PTPRC: variants seen among roughly 807,000 people sequenced by gnomAD.
The protein encoded by PTPRC is receptor-type tyrosine-protein phosphatase C.
A neutral mutation model predicts 155.9 loss-of-function variants in PTPRC; 44 were observed. That is an observed-to-expected ratio of 0.28 (90% confidence interval 0.22 to 0.36). The LOEUF (loss-of-function observed/expected upper bound fraction) is 0.36, where lower values mean the gene tolerates loss of function less well. Ranked by LOEUF, PTPRC falls within the 10% of genes least tolerant of loss-of-function variation. PTPRC has a pLI of 1.00. For synonymous variants in PTPRC, 525 were observed against 533.1 expected (o/e 0.98, Z 0.21); for missense variants, 1,401 against 1,564.6 (o/e 0.90, Z 1.76).
chr1:198,750,362 C>G, intron 28 of PTPRC, 130 bp from the exon 29 acceptor site: 1 of 958,932 alleles, frequency 1.0e-6, no homozygotes, highest in Non-Finnish European at 1.7e-6. Context: ...TTGTAAGAAA[C>G]ATAAGAATAT....
chr1:198,704,600 T>C (rs1666631302), intron 8 of PTPRC, 102 bp downstream of exon 8: 1 of 1,600,086 alleles, frequency 6.2e-7, no homozygotes, highest in African/African-American at 1.3e-5. Flanking sequence ...TAAGCTAAAC[T>C]CACTGGCTCT....
chr1:198,694,116 C>G (rs1204068373), intron 3 of PTPRC: 4 of 1,544,900 alleles, frequency 2.6e-6, no homozygotes, highest in Non-Finnish European at 3.5e-6. Flanking sequence ...GCCAAAGGCC[C>G]GAGAGCCCCT....
rs149462040 is a variant in PTPRC, at chr1:198,711,458, C to T, written c.1172-1495C>T. 2.8e-3 allele frequency among the ~76,000 whole-genome samples: 429 copies of T among 152,232 alleles called. 1 individual carries two copies. Among genetic ancestry groups the T allele is most frequent in the Non-Finnish European group, 4.8e-3 (329 of 67,996 alleles). On this transcript the variant is annotated intron_variant, in intron 11 of 32. Transcript: ENST00000442510. Reference sequence around the variant, plus strand: ...TAGAAAAAAAATGAACATCAGCTCTCACCTCTCAACAAACACAAAAATTAA... The same window carrying T: ...TAGAAAAAAAATGAACATCAGCTCTTACCTCTCAACAAACACAAAAATTAA...
chr1:198,706,715 A>G lies in PTPRC; in HGVS notation c.686-19A>G. On this transcript the variant is annotated intron_variant, in intron 8 of 32. Coordinates refer to ENST00000442510, the MANE Select transcript of PTPRC (RefSeq NM_002838.5). ...ATTTATTCTGGAAAAATAACACTCAATGTTCTATTTTCTTTTAGATGAAAA... is the reference window on the plus strand; with the variant it reads ...ATTTATTCTGGAAAAATAACACTCAGTGTTCTATTTTCTTTTAGATGAAAA... 4 of 1,597,930 alleles carry G rather than the reference A, an allele frequency of 2.5e-6. No homozygotes were observed. The highest frequency in any genetic ancestry group is 2.6e-6 in the Non-Finnish European group (3 of 1,167,818).
intron 4 of PTPRC, among the ~76,000 whole-genome samples, chr1:198,698,666 A>C (rs1178073981): frequency 6.6e-6 from 1 of 151,836 alleles, no homozygotes; most frequent in Non-Finnish European, 1.5e-5. Flanking sequence ...ATTTCAAAGC[A>C]TTTTCAATAT....
At chr1:198,665,868 T>C (rs3767742) in intron 2 of PTPRC, among the ~76,000 whole-genome samples, 130,823 of 152,150 alleles carry the variant, frequency 0.86, 56,333 homozygotes, top group East Asian at 0.95. Flanking sequence ...TGATTCTCTT[T>C]CCAGCCCTGG....
chr1:198,674,442 C>T (rs1468706788), intron 2 of PTPRC, among the ~76,000 whole-genome samples: 1 of 151,062 alleles, frequency 6.6e-6, no homozygotes, highest in East Asian at 1.9e-4. Flanking sequence ...GGATGGATAA[C>T]ATTGCCTTTT....
chr1:198,725,057 C>G (rs1654069589), intron 15 of PTPRC, among the ~76,000 whole-genome samples: 1 of 152,136 alleles, frequency 6.6e-6, no homozygotes, highest in African/African-American at 2.4e-5. Context: ...CTGCCTTGGC[C>G]TCCCAAAGTG....
At chr1:198,706,993 A>ACCACACACAAAAGT in intron 9 of PTPRC, 41 bp downstream of exon 9, 1 of 1,497,096 alleles carries the variant, frequency 6.7e-7, no homozygotes, top group Non-Finnish European at 9.3e-7. Context: ...TTATAAAAAC[A>ACCACACACAAAAGT]GTACACTTTT....
At chr1:198,747,724 C>T (rs1220625853) in intron 26 of PTPRC, among the ~76,000 whole-genome samples, 2 of 151,868 alleles carry the variant, frequency 1.3e-5, no homozygotes, top group Non-Finnish European at 2.9e-5. Context: ...GCCAAGTCTC[C>T]TAAGAATGTG....
At chr1:198,666,602 A>G (rs967534980) in intron 2 of PTPRC, among the ~76,000 whole-genome samples, 6 of 152,364 alleles carry the variant, frequency 3.9e-5, no homozygotes, top group South Asian at 2.1e-4. Context: ...GCGGAGGGCT[A>G]TAACAGAGAT....
intron 25 of PTPRC, among the ~76,000 whole-genome samples, chr1:198,742,937 G>A (rs1654970840): frequency 6.6e-6 from 1 of 151,730 alleles, no homozygotes; most frequent in South Asian, 2.1e-4. Context: ...TTTGGTGATT[G>A]TAAGTGATGG....
chr1:198,680,445 T>A, intron 2 of PTPRC, among the ~76,000 whole-genome samples: 1 of 132,622 alleles, frequency 7.5e-6, no homozygotes, highest in Non-Finnish European at 1.6e-5. Flanking sequence ...AGAGCAAAAC[T>A]CTCTCAGAAA....
At chr1:198,741,545 T>G (rs1558034029) in intron 23 of PTPRC, among the ~76,000 whole-genome samples, 1 of 151,850 alleles carries the variant, frequency 6.6e-6, no homozygotes, top group Non-Finnish European at 1.5e-5. Flanking sequence ...TTTGGGTTTT[T>G]TTTGCTTGAC....
chr1:198,715,341 T>G (rs773082762), intron 12 of PTPRC, among the ~76,000 whole-genome samples: 9 of 151,948 alleles, frequency 5.9e-5, no homozygotes, highest in Non-Finnish European at 1.2e-4. Flanking sequence ...GCCAGGATAG[T>G]CTGGATCTCC....
Position 198,754,415 on chromosome 1 carries a change from T to C in PTPRC, c.3645+11T>C. 6.2e-7 allele frequency: 1 copy of C among 1,613,294 alleles called. No individual in the cohort carries two copies. Among genetic ancestry groups the C allele is most frequent in the Non-Finnish European group, 8.5e-7 (1 of 1,179,558 alleles). The stretch of plus-strand genomic sequence containing the variant: ...ATGGTTTCCACATTCGTAAGTATCC[T>C]TCACCATTGCTTTTAACATGCTCGG... On this transcript the variant is annotated intron_variant, in intron 32 of 32. Coordinates refer to ENST00000442510, the MANE Select transcript of PTPRC (RefSeq NM_002838.5).
intron 25 of PTPRC, among the ~76,000 whole-genome samples, chr1:198,742,639 G>C (rs1169403421): frequency 2.0e-5 from 3 of 151,756 alleles, no homozygotes; most frequent in African/African-American, 7.3e-5. Flanking sequence ...GGCAAAAAAA[G>C]TAAAAATGCT....
At chr1:198,706,988 A>G in intron 9 of PTPRC, 36 bp downstream of exon 9, 1 of 1,501,970 alleles carries the variant, frequency 6.7e-7, no homozygotes, top group Non-Finnish European at 9.2e-7. Flanking sequence ...TAAATTTATA[A>G]AAACAGTACA....
At chr1:198,731,537 C>T (rs942624017) in intron 17 of PTPRC, 80 bp from the exon 18 acceptor site, 1 of 1,014,320 alleles carries the variant, frequency 9.9e-7, no homozygotes, top group Non-Finnish European at 1.6e-6. Flanking sequence ...GGATTGAGTA[C>T]ACGGTGTAAA....
Sources: allele counts gnomAD v4.1 joint callset (sites outside exome capture counted in the v4.1 genomes callset), GRCh38; gene constraint gnomAD v4.1.1; transcripts MANE v1.5; gene names NCBI Gene and HGNC (gene_info 2026-07-23, HGNC 2026-07-21).